The following LDB2 variants were observed in gnomAD, a reference collection of about 807,000 sequenced individuals.
The protein encoded by LDB2 is LIM domain-binding protein 2.
LDB2 carries 12 observed loss-of-function variants against 44.3 expected under a neutral mutation model. That is an observed-to-expected ratio of 0.27 (90% CI 0.17 to 0.44). The LOEUF is 0.44. Among genes scored for constraint, LDB2 ranks in the 20% least tolerant of loss-of-function variants. The pLI, the probability that LDB2 is intolerant of heterozygous loss-of-function variation, is 1.00. For synonymous variants in LDB2, 164 were observed against 174.8 expected (o/e 0.94, Z 0.49); for missense variants, 344 against 473.5 (o/e 0.73, Z 2.54).
Position 16,710,838 on chromosome 4 carries a change from A to G in LDB2, c.235+48320T>C, listed in dbSNP as rs1755701099. Among the ~76,000 whole-genome samples, 4 of 152,150 alleles carry G rather than the reference A, an allele frequency of 2.6e-5. No individual in the cohort carries two copies. The South Asian group carries it at 6.2e-4, about 24-fold the overall frequency. On this transcript the variant is annotated intron_variant, in intron 2 of 7. Transcript: ENST00000304523. ...TGTTTACTGCCCTGAACCATCTCCC[A>G]ATAATACATTGAGTCAACAGGGAAA...
intron 2 of LDB2, among the ~76,000 whole-genome samples, chr4:16,743,601 C>G (rs1191672372): frequency 6.6e-6 from 1 of 151,316 alleles, no homozygotes; most frequent in Non-Finnish European, 1.5e-5. Flanking sequence ...GAGAGGGATT[C>G]TCCTGCCTTA....
intron 2 of LDB2, among the ~76,000 whole-genome samples, chr4:16,627,406 T>G (rs1730566488): frequency 6.6e-6 from 1 of 152,180 alleles, no homozygotes; most frequent in Non-Finnish European, 1.5e-5. Flanking sequence ...TCTATACAAG[T>G]GACTATTCTC....
chr4:16,610,335 A>C (rs1227945116), intron 2 of LDB2, among the ~76,000 whole-genome samples: 2 of 152,148 alleles, frequency 1.3e-5, no homozygotes, highest in Non-Finnish European at 2.9e-5. Flanking sequence ...TCTCTCCATC[A>C]AGGGTGCAGA....
At chr4:16,594,311 C>T (rs1273951827) in intron 3 of LDB2, among the ~76,000 whole-genome samples, 1 of 152,186 alleles carries the variant, frequency 6.6e-6, no homozygotes, top group Non-Finnish European at 1.5e-5. Context: ...AAATGTTCTG[C>T]ATCTCCAGAA....
At chr4:16,848,196 T>C (rs933591067) in intron 1 of LDB2, among the ~76,000 whole-genome samples, 1 of 152,200 alleles carries the variant, frequency 6.6e-6, no homozygotes, top group South Asian at 2.1e-4. Context: ...AAAAAAGAAC[T>C]ATGTAAAGGG....
chr4:16,786,004 C>T (rs1774349599), intron 1 of LDB2, among the ~76,000 whole-genome samples: 1 of 152,058 alleles, frequency 6.6e-6, no homozygotes, highest in African/African-American at 2.4e-5. Flanking sequence ...CTAAGGGACT[C>T]GCCTTAGAAA....
chr4:16,828,941 C>A lies in LDB2; in HGVS notation c.132+69413G>T, dbSNP rs144639950. On this transcript the variant is annotated intron_variant, in intron 1 of 7. Transcript: ENST00000304523. ...TGAGCCAGTGTATACTACAGAACCC[C>A]CAAAAGGCTCAGAACTTGAATGCGT... Among the ~76,000 whole-genome samples, 42 of 152,258 alleles carry A rather than the reference C, an allele frequency of 2.8e-4. 1 individual carries two copies. Among genetic ancestry groups the A allele is most frequent in the African/African-American group, 9.4e-4 (39 of 41,554 alleles).
At chr4:16,573,583 C>G (rs1201899078) in intron 5 of LDB2, among the ~76,000 whole-genome samples, 3 of 152,110 alleles carry the variant, frequency 2.0e-5, no homozygotes, top group African/African-American at 7.2e-5. Flanking sequence ...CAGCAGTGAC[C>G]CATGGGCCAC....
At chr4:16,658,687 C>T (rs923730558) in intron 2 of LDB2, among the ~76,000 whole-genome samples, 3 of 152,078 alleles carry the variant, frequency 2.0e-5, no homozygotes, top group East Asian at 1.9e-4. Context: ...CAGGGTGGTC[C>T]GATTGTGACC....
chr4:16,635,625 C>G (rs1733376941), intron 2 of LDB2, among the ~76,000 whole-genome samples: 1 of 151,870 alleles, frequency 6.6e-6, no homozygotes, highest in Admixed American at 6.6e-5. Context: ...CTATAGCAAA[C>G]CATTACAGAG....
intron 2 of LDB2, among the ~76,000 whole-genome samples, chr4:16,682,878 G>C (rs1303767031): frequency 6.6e-6 from 1 of 152,224 alleles, no homozygotes; most frequent in Non-Finnish European, 1.5e-5. Context: ...ATTGAGGCTT[G>C]TCTTCTGAGC....
chr4:16,704,218 C>G (rs1239563505), intron 2 of LDB2, among the ~76,000 whole-genome samples: 1 of 152,190 alleles, frequency 6.6e-6, no homozygotes, highest in African/African-American at 2.4e-5. Flanking sequence ...CTGTCCCTTT[C>G]TAAGACCTGG....
intron 2 of LDB2, among the ~76,000 whole-genome samples, chr4:16,615,787 G>T (rs1727131091): frequency 6.6e-6 from 1 of 152,162 alleles, no homozygotes; most frequent in Admixed American, 6.5e-5. Context: ...GAACCCTCCT[G>T]GGATTCGTCC....
At chr4:16,787,615 G>A (rs1302758507) in intron 1 of LDB2, among the ~76,000 whole-genome samples, 1 of 151,670 alleles carries the variant, frequency 6.6e-6, no homozygotes, top group Admixed American at 6.6e-5. Flanking sequence ...CTCCATCTCA[G>A]AAAAAAAAGA....
At chr4:16,546,892 T>G (rs922616246) in intron 5 of LDB2, among the ~76,000 whole-genome samples, 5 of 152,166 alleles carry the variant, frequency 3.3e-5, no homozygotes, top group Non-Finnish European at 1.5e-5. Flanking sequence ...AGTGTTGGTC[T>G]TGCCCCACTC....
At chr4:16,893,464 C>T (rs1475406477) in intron 1 of LDB2, among the ~76,000 whole-genome samples, 1 of 151,982 alleles carries the variant, frequency 6.6e-6, no homozygotes, top group African/African-American at 2.4e-5. Context: ...AACCCTGTGA[C>T]TAAAGTATAT....
chr4:16,706,205 C>T (rs560233541), intron 2 of LDB2, among the ~76,000 whole-genome samples: 2 of 152,158 alleles, frequency 1.3e-5, no homozygotes, highest in African/African-American at 4.8e-5. Flanking sequence ...ATGTTTATTT[C>T]ACTACTTCCA....
At chr4:16,884,445 T>C (rs1299505235) in intron 1 of LDB2, among the ~76,000 whole-genome samples, 2 of 152,290 alleles carry the variant, frequency 1.3e-5, no homozygotes, top group African/African-American at 4.8e-5. Context: ...TCTCCAGGCC[T>C]ACACACACAA....
At chr4:16,808,060 C>A (rs757773544) in intron 1 of LDB2, among the ~76,000 whole-genome samples, 1 of 151,652 alleles carries the variant, frequency 6.6e-6, no homozygotes, top group Non-Finnish European at 1.5e-5. Context: ...AGAATGTACA[C>A]CTTTACACAC....
Sources: gnomAD v4.1 joint callset for allele counts (sites outside exome capture counted in the v4.1 genomes callset) on GRCh38, gnomAD v4.1.1 for gene constraint, MANE v1.5 for transcripts, NCBI Gene and HGNC (gene_info 2026-07-23, HGNC 2026-07-21) for gene names.